The following MGAT5 variants were observed in gnomAD, a reference collection of about 807,000 sequenced individuals.
MGAT5 encodes the protein alpha-1,6-mannosylglycoprotein 6-beta-N-acetylglucosaminyltransferase A.
Under a neutral mutation model 94.3 loss-of-function variants are expected in MGAT5, and 30 were observed. The ratio of observed to expected loss-of-function variants is 0.32; its 90% confidence interval spans 0.24 to 0.43. MGAT5 has a LOEUF of 0.43. Ranked by LOEUF, MGAT5 falls within the 20% of genes least tolerant of loss-of-function variation. MGAT5 has a pLI of 1.00. For synonymous variants in MGAT5, 310 were observed against 322.9 expected, an observed-to-expected ratio of 0.96 and a Z score of 0.43; for missense variants, 691 against 905.5, an observed-to-expected ratio of 0.76 and a Z score of 3.04.
intron 8 of MGAT5, 75 bp from the exon 9 acceptor site, chr2:134,349,730 G>A (rs1679251259): frequency 6.6e-7 from 1 of 1,524,490 alleles, no homozygotes; most frequent in Non-Finnish European, 8.9e-7. Context: ...AGTCTTGAAG[G>A]AAGGGTTAGA....
rs566373589 is a variant in MGAT5 at position 134,160,331 on chromosome 2, G to A, written c.-143+40040G>A. On this transcript the variant is annotated intron_variant, in intron 1 of 16. Transcript: ENST00000409645. ...CGGGACTACAGGCGCCTGCCACCAGGCCCGGCTAATTTTTGTATTTTTAAT... is the reference window on the plus strand; with the variant it reads ...CGGGACTACAGGCGCCTGCCACCAGACCCGGCTAATTTTTGTATTTTTAAT... Among the ~76,000 whole-genome samples the A allele has an allele frequency of 3.3e-5, 5 of 152,262 alleles. 1 individual carries two copies. In the South Asian group the frequency reaches 1.0e-3, roughly 32 times the overall value.
At chr2:134,262,078 G>A (rs750690450) in intron 1 of MGAT5, among the ~76,000 whole-genome samples, 30 of 152,188 alleles carry the variant, frequency 2.0e-4, no homozygotes, top group Admixed American at 2.0e-3. Flanking sequence ...ACAAGTCACC[G>A]ATCATCTTAA....
chr2:134,360,416 G>GA (rs1680010961), intron 9 of MGAT5, among the ~76,000 whole-genome samples: 1 of 152,066 alleles, frequency 6.6e-6, no homozygotes. Context: ...ATTATAACAT[G>GA]AAATAAAACC....
chr2:134,139,065 C>T (rs549908971), intron 1 of MGAT5, among the ~76,000 whole-genome samples: 26 of 152,268 alleles, frequency 1.7e-4, no homozygotes, highest in East Asian at 1.4e-3. Flanking sequence ...AGAATACAGC[C>T]GAAGAGAAAT....
chr2:134,425,317 G>A (rs1318016981), intron 13 of MGAT5, among the ~76,000 whole-genome samples: 2 of 152,032 alleles, frequency 1.3e-5, no homozygotes, highest in African/African-American at 4.8e-5. Flanking sequence ...CATGGTAAAC[G>A]TTCAGGGGTT....
intron 4 of MGAT5, among the ~76,000 whole-genome samples, chr2:134,320,304 G>C (rs935475): frequency 0.95 from 144,873 of 152,214 alleles, 69,172 homozygotes; most frequent in Non-Finnish European, 0.99. Flanking sequence ...TTACATTTAC[G>C]TTCCTTTTTT....
chr2:134,255,236 C>G (rs1289056748), intron 1 of MGAT5, among the ~76,000 whole-genome samples: 3 of 151,830 alleles, frequency 2.0e-5, no homozygotes. Context: ...GTTGCTTTTT[C>G]TTTAAAGAAT....
At chr2:134,213,619 G>T (rs930532411) in intron 1 of MGAT5, among the ~76,000 whole-genome samples, 7 of 152,198 alleles carry the variant, frequency 4.6e-5, no homozygotes, top group Admixed American at 1.3e-4. Flanking sequence ...CCAATTGGCT[G>T]TATATTGAGG....
intron 1 of MGAT5, among the ~76,000 whole-genome samples, chr2:134,169,425 C>G (rs918764785): frequency 9.9e-5 from 15 of 151,612 alleles, no homozygotes; most frequent in African/African-American, 3.4e-4. Context: ...CACACACACA[C>G]ACACACACAC....
rs74927493 is a variant in MGAT5 at position 134,290,746 on chromosome 2, A to G, written c.406+20196A>G. On this transcript the variant is annotated intron_variant, in intron 2 of 15. Transcript: ENST00000281923. Reference sequence around the variant, plus strand: ...TATCTGGTGTCTGCTATGAGTAGAGAAACATGGGAGAGATTGAGCTGCAAA... The same window carrying G: ...TATCTGGTGTCTGCTATGAGTAGAGGAACATGGGAGAGATTGAGCTGCAAA... 2.3e-3 allele frequency among the ~76,000 whole-genome samples: 357 copies of G among 152,296 alleles called. 5 individuals are homozygous for G. The highest frequency in any genetic ancestry group is 0.018 in the East Asian group (93 of 5,182).
At chr2:134,423,310 CTGTT>C (rs546580967) in intron 13 of MGAT5, among the ~76,000 whole-genome samples, 137 of 152,304 alleles carry the variant, frequency 9.0e-4, no homozygotes, top group African/African-American at 2.7e-3. Context: ...TATAGAACAT[CTGTT>C]TGTTTGTTTG....
chr2:134,273,069 C>T (rs1190808226), intron 2 of MGAT5, among the ~76,000 whole-genome samples: 1 of 152,164 alleles, frequency 6.6e-6, no homozygotes, highest in Admixed American at 6.5e-5. Flanking sequence ...CTTTCATAGA[C>T]ACTGTCTTGG....
intron 1 of MGAT5, among the ~76,000 whole-genome samples, chr2:134,194,644 A>G (rs1046354847): frequency 6.6e-6 from 1 of 152,098 alleles, no homozygotes; most frequent in Non-Finnish European, 1.5e-5. Flanking sequence ...GCTAGCGTGC[A>G]TTCTCTCCCT....
intron 2 of MGAT5, among the ~76,000 whole-genome samples, chr2:134,286,253 G>T (rs1397446410): frequency 6.6e-6 from 1 of 152,124 alleles, no homozygotes; most frequent in African/African-American, 2.4e-5. Context: ...AGGCTGGCCT[G>T]GCTGCATCCT....
At chr2:134,428,645 T>C (rs1237058510) in intron 14 of MGAT5, among the ~76,000 whole-genome samples, 1 of 152,172 alleles carries the variant, frequency 6.6e-6, no homozygotes. Context: ...TTGATGACAG[T>C]GTAAGGTGAA....
intron 1 of MGAT5, among the ~76,000 whole-genome samples, chr2:134,258,673 C>G (rs530466082): frequency 7.2e-5 from 11 of 152,194 alleles, no homozygotes; most frequent in African/African-American, 1.9e-4. Context: ...GATTCGCTCA[C>G]GACATCTTCA....
At chr2:134,445,829 G>GA (rs1685740529) in intron 15 of MGAT5, among the ~76,000 whole-genome samples, 1 of 152,188 alleles carries the variant, frequency 6.6e-6, no homozygotes, top group Admixed American at 6.5e-5. Flanking sequence ...GAAAGGCAGG[G>GA]ACCCCCTAGG....
intron 14 of MGAT5, among the ~76,000 whole-genome samples, chr2:134,435,262 C>T (rs1685108021): frequency 6.6e-6 from 1 of 152,216 alleles, no homozygotes; most frequent in Non-Finnish European, 1.5e-5. Context: ...ATAATATACA[C>T]ACTCTACCAA....
At chr2:134,353,498 A>C (rs1679526163) in intron 9 of MGAT5, among the ~76,000 whole-genome samples, 1 of 152,206 alleles carries the variant, frequency 6.6e-6, no homozygotes, top group Non-Finnish European at 1.5e-5. Context: ...CACAAAGTGT[A>C]GTGGGTCACC....
Sources: allele counts gnomAD v4.1 joint callset (sites outside exome capture counted in the v4.1 genomes callset), GRCh38; gene constraint gnomAD v4.1.1; transcripts MANE v1.5; gene names NCBI Gene and HGNC (gene_info 2026-07-23, HGNC 2026-07-21).